The following INTU variants were observed in gnomAD, a reference collection of about 807,000 sequenced individuals.
The protein encoded by INTU is protein inturned.
Under a neutral mutation model 100.5 loss-of-function variants are expected in INTU, and 68 were observed. That is an observed-to-expected ratio of 0.68 (90% CI 0.56 to 0.83). INTU has a LOEUF of 0.83. Among genes scored for constraint, INTU ranks in the 40% least tolerant of loss-of-function variants. The pLI is 0.00. For missense variants in INTU, 1,071 were observed against 1,114.7 expected, an observed-to-expected ratio of 0.96 and a Z score of 0.56; for synonymous variants, 357 against 395.7, an observed-to-expected ratio of 0.90 and a Z score of 1.16.
At chr4:127,654,987 T>A (rs558848513) in intron 2 of INTU, among the ~76,000 whole-genome samples, 38 of 151,726 alleles carry the variant, frequency 2.5e-4, no homozygotes, top group African/African-American at 9.0e-4. Flanking sequence ...CTTCCATTGC[T>A]GATACCCTTT....
At chr4:127,684,305 C>T (rs1729714483) in intron 6 of INTU, 104 bp from the exon 7 acceptor site, 1 of 671,766 alleles carries the variant, frequency 1.5e-6, no homozygotes, top group East Asian at 2.7e-5. Context: ...GACACACATA[C>T]TTTTCACATT....
At chr4:127,677,538 G>C (rs1342232771) in intron 6 of INTU, among the ~76,000 whole-genome samples, 1 of 151,174 alleles carries the variant, frequency 6.6e-6, no homozygotes, top group Non-Finnish European at 1.5e-5. Flanking sequence ...GCAGCTGAGG[G>C]TCCTGTCTGT....
At chr4:127,671,556 A>T (rs1026971884) in intron 5 of INTU, among the ~76,000 whole-genome samples, 11 of 152,066 alleles carry the variant, frequency 7.2e-5, no homozygotes, top group Admixed American at 7.2e-4. Context: ...CAGTATGGAG[A>T]TTTCTCAAAA....
chr4:127,655,170 G>T (rs1471788023), intron 2 of INTU, among the ~76,000 whole-genome samples: 1 of 151,810 alleles, frequency 6.6e-6, no homozygotes, highest in Non-Finnish European at 1.5e-5. Context: ...TGGTTTGAAT[G>T]TCCTCTCGTA....
At chr4:127,694,154 CT>C (rs756040796) in intron 8 of INTU, among the ~76,000 whole-genome samples, 42 of 152,090 alleles carry the variant, frequency 2.8e-4, no homozygotes, top group Admixed American at 7.9e-4. Flanking sequence ...GGTACCAATT[CT>C]TTTTTGAATG....
At chr4:127,713,328 A>G (rs1442420162) in intron 14 of INTU, among the ~76,000 whole-genome samples, 1 of 152,186 alleles carries the variant, frequency 6.6e-6, no homozygotes, top group Non-Finnish European at 1.5e-5. Flanking sequence ...ATTAGATAAA[A>G]GCTATGAAGG....
chr4:127,701,093 T>C (rs1330653763), intron 9 of INTU, among the ~76,000 whole-genome samples: 2 of 152,278 alleles, frequency 1.3e-5, no homozygotes, highest in Admixed American at 6.5e-5. Context: ...TTGTTCCTGA[T>C]GGAAGCACAC....
chr4:127,691,981 T>TATATATATATATATATATATATATAG (rs1730164137), intron 8 of INTU, among the ~76,000 whole-genome samples: 1 of 144,716 alleles, frequency 6.9e-6, no homozygotes. Context: ...TATATATATA[T>TATATATATATATATATATATATATAG]GTCACATTTT....
chr4:127,682,121 T>C (rs548825809), intron 6 of INTU, among the ~76,000 whole-genome samples: 4 of 152,096 alleles, frequency 2.6e-5, no homozygotes, highest in African/African-American at 9.7e-5. Context: ...CTGGAGAGGA[T>C]GTGAAGAAAT....
intron 6 of INTU, among the ~76,000 whole-genome samples, chr4:127,680,805 T>C (rs1349951410): frequency 2.6e-5 from 4 of 151,256 alleles, no homozygotes; most frequent in African/African-American, 9.7e-5. Flanking sequence ...AAAGAGGAAG[T>C]CAAATTGTCC....
At chr4:127,633,242 G>C (rs970240369) in intron 1 of INTU, 62 bp downstream of exon 1, 7 of 1,554,034 alleles carry the variant, frequency 4.5e-6, no homozygotes, top group Non-Finnish European at 4.4e-6. Flanking sequence ...ATACACGTGG[G>C]CTGGGGGAAC....
chr4:127,679,815 G>C (rs1314014711), intron 6 of INTU, among the ~76,000 whole-genome samples: 1 of 151,954 alleles, frequency 6.6e-6, no homozygotes, highest in African/African-American at 2.4e-5. Flanking sequence ...GAATCCAGGA[G>C]CTGGTTTTTT....
At chr4:127,652,065 A>AT (rs1482882989) in intron 2 of INTU, among the ~76,000 whole-genome samples, 1 of 140,818 alleles carries the variant, frequency 7.1e-6, no homozygotes, top group Non-Finnish European at 1.5e-5. Context: ...TTGTACATTG[A>AT]TTTTGTATCC....
chr4:127,709,877 A>T (rs1731031005), intron 13 of INTU, among the ~76,000 whole-genome samples: 1 of 152,194 alleles, frequency 6.6e-6, no homozygotes, highest in Non-Finnish European at 1.5e-5. Flanking sequence ...TGCATAAAAT[A>T]ATACATTAGA....
At chr4:127,662,216 C>A (rs1728507440) in intron 3 of INTU, among the ~76,000 whole-genome samples, 1 of 152,082 alleles carries the variant, frequency 6.6e-6, no homozygotes, top group Non-Finnish European at 1.5e-5. Flanking sequence ...ACTATTTTCT[C>A]CCATCCTGTA....
intron 6 of INTU, among the ~76,000 whole-genome samples, chr4:127,679,495 G>T (rs945267882): frequency 1.3e-5 from 2 of 152,180 alleles, no homozygotes; most frequent in Admixed American, 6.5e-5. Flanking sequence ...ACCTCCTCCT[G>T]AATGACTGCT....
Position 127,643,569 on chromosome 4 carries a change from GT to G in INTU, c.199del (p.Tyr67IlefsTer4). The G allele has an allele frequency of 1.2e-6, 2 of 1,610,526 alleles. No homozygotes were observed. The highest frequency in any genetic ancestry group is 8.5e-7 in the Non-Finnish European group (1 of 1,179,166). On this transcript the variant is annotated frameshift_variant, in exon 2 of 16. Transcript: ENST00000335251. LOFTEE classifies it high-confidence loss of function. The stretch of plus-strand genomic sequence containing the variant: ...ACAGTGTGCAGAAAAATGGAGAGCT[GT>G]TTTATTTGGAATTGAGTGAGGATGA... ...LDSVQKNGEL[F>X]YLELSEDEEE... is the part of the protein sequence containing the mutation.
chr4:127,653,876 T>G (rs1240116906), intron 2 of INTU, among the ~76,000 whole-genome samples: 1 of 151,838 alleles, frequency 6.6e-6, no homozygotes, highest in South Asian at 2.1e-4. Flanking sequence ...TGTAGGTCAC[T>G]CAGGACTTGC....
intron 1 of INTU, among the ~76,000 whole-genome samples, chr4:127,640,759 G>T (rs1052873357): frequency 6.6e-6 from 1 of 151,102 alleles, no homozygotes; most frequent in Admixed American, 6.6e-5. Context: ...TGTTAAGTGA[G>T]AAATTATATA....
Sources: gnomAD v4.1 joint callset for allele counts (sites outside exome capture counted in the v4.1 genomes callset) on GRCh38, gnomAD v4.1.1 for gene constraint, MANE v1.5 for transcripts, NCBI Gene and HGNC (gene_info 2026-07-23, HGNC 2026-07-21) for gene names.